The following ZC2HC1C variants were observed in gnomAD, a reference collection of about 807,000 sequenced individuals.
The protein encoded by ZC2HC1C is zinc finger C2HC-type containing 1C.
A neutral mutation model predicts 39.2 loss-of-function variants in ZC2HC1C; 25 were observed. That is an observed-to-expected ratio of 0.64 (90% CI 0.47 to 0.89). The LOEUF (loss-of-function observed/expected upper bound fraction) is 0.89, where lower values mean the gene tolerates loss of function less well. Ranked by LOEUF, ZC2HC1C falls within the 40% of genes least tolerant of loss-of-function variation. ZC2HC1C has a pLI of 0.00. For missense variants in ZC2HC1C, 519 were observed against 548.6 expected, an observed-to-expected ratio of 0.95 and a Z score of 0.54; for synonymous variants, 209 against 214.4, an observed-to-expected ratio of 0.97 and a Z score of 0.22.
At chr14:75,076,740 C>T (rs1893689181) in intron 2 of ZC2HC1C, among the ~76,000 whole-genome samples, 1 of 140,104 alleles carries the variant, frequency 7.1e-6, no homozygotes, top group Admixed American at 7.8e-5. Context: ...TTTCTTCTGC[C>T]ACCTGCCTTG....
In ZC2HC1C at chr14:75,077,884, A is replaced by T; in HGVS notation, c.*320A>T. 3.2e-6 allele frequency: 1 copy of T among 309,632 alleles called. No individual in the cohort carries two copies. Among genetic ancestry groups the T allele is most frequent in the Non-Finnish European group, 6.1e-6 (1 of 165,142 alleles). The allele number at this position is 309,632 out of a possible 1,614,324, so 19.2% of individuals were successfully genotyped here. Reference sequence around the variant, plus strand: ...GAGTAGAATTTGATGCAAAGCAGAAAGAAATCAAACAGCTCCCAGATCTGC... The same window carrying T: ...GAGTAGAATTTGATGCAAAGCAGAATGAAATCAAACAGCTCCCAGATCTGC... On this transcript the variant is annotated 3_prime_UTR_variant, in exon 3 of 3. Transcript: ENST00000524913.
rs764655522 is a variant in ZC2HC1C at position 75,071,839 on chromosome 14, C to G, written c.1266C>G (p.Asp422Glu). ...RMRGSKRKVF[D>E]SSRARAKGTE... ...GGGGTTCCAAGAGGAAAGTGTTTGA[C>G]TCCTCCAGGGCCCGGGCTAAGGGCA... Residue 422 changes from aspartate to glutamate, a missense_variant, in exon 2 of 3, where the codon GAC becomes GAG. By Grantham distance (45) the Asp-to-Glu change is conservative. Coordinates refer to ENST00000524913, the MANE Select transcript of ZC2HC1C (RefSeq NM_024643.4). 2 of 1,614,024 alleles carry G rather than the reference C, an allele frequency of 1.2e-6. No individual in the cohort carries two copies. Among genetic ancestry groups the G allele is most frequent in the Non-Finnish European group, 1.7e-6 (2 of 1,180,010 alleles).
rs1893766862 is a variant in ZC2HC1C, at chr14:75,078,139, T to G, written c.*575T>G. ...TTAAGTGCCTGCATCTGGTTCTGCC[T>G]TCTTGTCACTGCATGTATGTTCAGA... On this transcript the variant is annotated 3_prime_UTR_variant, in exon 3 of 3. Coordinates refer to ENST00000524913, the MANE Select transcript of ZC2HC1C (RefSeq NM_024643.4). 6.5e-6 allele frequency: 1 copy of G among 153,042 alleles called. No homozygotes were observed. Among genetic ancestry groups the G allele is most frequent in the Non-Finnish European group, 1.5e-5 (1 of 68,690 alleles). The allele number at this position is 153,042 out of a possible 1,614,324, so 9.5% of individuals were successfully genotyped here.
Position 75,071,408 on chromosome 14 carries a change from A to T in ZC2HC1C, c.835A>T (p.Asn279Tyr). Residue 279 changes from asparagine (N) to tyrosine (Y), a missense_variant, in exon 2 of 3, where the codon AAC becomes TAC. By Grantham distance (143) the Asn-to-Tyr change is moderately radical. Coordinates refer to ENST00000524913, the MANE Select transcript of ZC2HC1C (RefSeq NM_024643.4). Reference sequence around the variant, plus strand: ...GAGCAGAGTTAAAGGTAATAAAAGCAACACCATGTACAAACCTATCTTCTC... The same window carrying T: ...GAGCAGAGTTAAAGGTAATAAAAGCTACACCATGTACAAACCTATCTTCTC... ...PRSRVKGNKSNTMYKPIFSPE... is the reference protein window; with the variant it reads ...PRSRVKGNKSYTMYKPIFSPE... 6.2e-7 allele frequency: 1 copy of T among 1,614,212 alleles called. No individual in the cohort carries two copies. Among genetic ancestry groups the T allele is most frequent in the Non-Finnish European group, 8.5e-7 (1 of 1,180,040 alleles).
intron 2 of ZC2HC1C, among the ~76,000 whole-genome samples, chr14:75,075,647 A>C (rs1008373981): frequency 2.0e-5 from 3 of 152,122 alleles, no homozygotes; most frequent in Non-Finnish European, 4.4e-5. Context: ...GGGATTCTCT[A>C]TTTATTTTGA....
Position 75,071,017 on chromosome 14 carries a change from G to A in ZC2HC1C, c.444G>A (p.Lys148=). ...AFPLKPMVHR[K]SCSTGEAGTD... Reference sequence around the variant, plus strand: ...CATTGAAACCCATGGTCCACAGGAAGTCGTGCAGTACAGGTGAGGCTGGCA... The same window carrying A: ...CATTGAAACCCATGGTCCACAGGAAATCGTGCAGTACAGGTGAGGCTGGCA... Residue 148 remains lysine (K), a synonymous_variant, in exon 2 of 3, where the codon AAG becomes AAA. Coordinates refer to ENST00000524913, the MANE Select transcript of ZC2HC1C (RefSeq NM_024643.4). 1 of 1,614,196 alleles carries A rather than the reference G, an allele frequency of 6.2e-7. No individual in the cohort carries two copies. Among genetic ancestry groups the A allele is most frequent in the Non-Finnish European group, 8.5e-7 (1 of 1,180,034 alleles).
rs76638980 is a variant in ZC2HC1C, at chr14:75,079,454, A to G, written c.*1890A>G. The G allele has an allele frequency of 3.3e-5, 5 of 152,216 alleles. No homozygotes were observed. The highest frequency in any genetic ancestry group is 1.2e-4 in the African/African-American group (5 of 41,446). 9.4% of individuals were successfully genotyped at this position (152,216 alleles called of 1,614,324 possible). A position where few individuals can be genotyped will look rare whatever the true frequency, so the allele number is the denominator to read the frequency against. On this transcript the variant is annotated 3_prime_UTR_variant, in exon 3 of 3. Transcript: ENST00000524913. The stretch of plus-strand genomic sequence containing the variant: ...GAAACCTCACACAGAGATAATGGAT[A>G]TTTAACCTAATAGGTACATTCCCTA...
At chr14:75,075,645 CTATT>C (rs1893634000) in intron 2 of ZC2HC1C, among the ~76,000 whole-genome samples, 1 of 152,132 alleles carries the variant, frequency 6.6e-6, no homozygotes, top group African/African-American at 2.4e-5. Flanking sequence ...ACGGGATTCT[CTATT>C]TATTTTGAAA....
intron 2 of ZC2HC1C, among the ~76,000 whole-genome samples, chr14:75,075,443 G>A (rs1893624064): frequency 6.6e-6 from 1 of 152,194 alleles, no homozygotes; most frequent in Non-Finnish European, 1.5e-5. Context: ...GTCTTGGAAT[G>A]AATGACACTA....
At chr14:75,073,464 G>A (rs1321420656) in intron 2 of ZC2HC1C, 2 of 631,802 alleles carry the variant, frequency 3.2e-6, no homozygotes, top group Non-Finnish European at 5.0e-6. Context: ...CAGCTTTATG[G>A]CAACTAGTTT....
Position 75,077,571 on chromosome 14 carries a change from G to A in ZC2HC1C, c.*7G>A. The A allele has an allele frequency of 6.2e-7, 1 of 1,614,168 alleles. No individual in the cohort carries two copies. Among genetic ancestry groups the A allele is most frequent in the Non-Finnish European group, 8.5e-7 (1 of 1,180,032 alleles). ...GAAGAGCAACTGGAGATAGAAGCATGAATCTTTTATCCATACGTTCCGCCA... is the reference window on the plus strand; with the variant it reads ...GAAGAGCAACTGGAGATAGAAGCATAAATCTTTTATCCATACGTTCCGCCA... On this transcript the variant is annotated 3_prime_UTR_variant, in exon 3 of 3. Coordinates refer to ENST00000524913, the MANE Select transcript of ZC2HC1C (RefSeq NM_024643.4).
rs538880433 is a variant in ZC2HC1C, at chr14:75,074,728, C to A, written c.1339-2804C>A. Among the ~76,000 whole-genome samples the A allele has an allele frequency of 9.9e-5, 15 of 152,224 alleles. No homozygotes were observed. The South Asian group carries it at 2.9e-3, about 29-fold the overall frequency. On this transcript the variant is annotated intron_variant, in intron 2 of 2. Coordinates refer to ENST00000524913, the MANE Select transcript of ZC2HC1C (RefSeq NM_024643.4). ...CTGGGCTTACAGGCGAGTGCCACCA[C>A]GCCCGGCTAATTTTTGTATTTTTAG... is the stretch of plus-strand genomic sequence containing the variant.
In ZC2HC1C at chr14:75,077,438, AG is replaced by A. The variant is rs1340119692; in HGVS notation, c.1339-93del. 4 of 1,513,962 alleles carry A rather than the reference AG, an allele frequency of 2.6e-6. No homozygotes were observed. In the African/African-American group the frequency reaches 5.5e-5, roughly 21 times the overall value. The allele number at this position is 1,513,962 out of a possible 1,614,324, so 93.8% of individuals were successfully genotyped here. ...CCTGTTCTCTTTGACCTTGCAGATT[AG>A]TACCCTTTTCATTTTCTTACTGTTA... On this transcript the variant is annotated intron_variant, in intron 2 of 2. Coordinates refer to ENST00000524913, the MANE Select transcript of ZC2HC1C (RefSeq NM_024643.4).
rs1183308633 is a variant in ZC2HC1C at position 75,071,357 on chromosome 14, G to C, written c.784G>C (p.Glu262Gln). Residue 262 changes from glutamate to glutamine, a missense_variant, in exon 2 of 3, where the codon GAG becomes CAG. Glu to Gln is a conservative substitution (Grantham distance 29). Transcript: ENST00000524913. ...KEQAKENENG[E>Q]LQKIILPRSR... ...ACAGGCCAAGGAAAATGAAAACGGA[G>C]AGCTACAGAAAATTATACTCCCCAG... is the stretch of plus-strand genomic sequence containing the variant. 1 of 1,613,818 alleles carries C rather than the reference G, an allele frequency of 6.2e-7. No individual in the cohort carries two copies. The highest frequency in any genetic ancestry group is 1.3e-5 in the African/African-American group (1 of 74,826).
rs1213036633 is a variant in ZC2HC1C at position 75,079,415 on chromosome 14, G to A, written c.*1851G>A. ...AGGTATCACATAATAAAGCTTTATG[G>A]TTAGCCCCTTAAGGAAACCTCACAC... is the stretch of plus-strand genomic sequence containing the variant. On this transcript the variant is annotated 3_prime_UTR_variant, in exon 3 of 3. Transcript: ENST00000524913. 1 of 152,082 alleles carries A rather than the reference G, an allele frequency of 6.6e-6. No individual in the cohort carries two copies. The highest frequency in any genetic ancestry group is 1.9e-4 in the East Asian group (1 of 5,198). 9.4% of individuals were successfully genotyped at this position (152,082 alleles called of 1,614,324 possible).
chr14:75,076,524 T>G (rs1324608397), intron 2 of ZC2HC1C, among the ~76,000 whole-genome samples: 1 of 152,214 alleles, frequency 6.6e-6, no homozygotes, highest in Non-Finnish European at 1.5e-5. Context: ...CACGTTGGCC[T>G]CCCAAAGTGC....
rs1893260177 is a variant in ZC2HC1C, at chr14:75,069,720, C to T, written c.-49C>T. 1 of 159,012 alleles carries T rather than the reference C, an allele frequency of 6.3e-6. No individual in the cohort carries two copies. Among genetic ancestry groups the T allele is most frequent in the Non-Finnish European group, 1.4e-5 (1 of 72,794 alleles). 9.9% of individuals were successfully genotyped at this position (159,012 alleles called of 1,614,324 possible). On this transcript the variant is annotated 5_prime_UTR_variant, in exon 1 of 3. Coordinates refer to ENST00000524913, the MANE Select transcript of ZC2HC1C (RefSeq NM_024643.4). ...GGGAAACTAGGCCCTGGGGTTTTCC[C>T]TGAGCAGGAGCGGTGCCCGAGGGCC...
Position 75,070,775 on chromosome 14 carries a change from G to A in ZC2HC1C, c.202G>A (p.Val68Ile). ...LSNKELILDKVYTHPKWNTQT... is the reference protein window; with the variant it reads ...LSNKELILDKIYTHPKWNTQT... ...CAACAAAGAGTTGATTCTGGATAAA[G>A]TCTATACTCACCCCAAATGGAACAC... Residue 68 changes from valine (V) to isoleucine (I), a missense_variant, in exon 2 of 3, where the codon GTC (valine) becomes ATC (isoleucine). By Grantham distance (29) the Val-to-Ile change is conservative (BLOSUM62 3). Transcript: ENST00000524913. 1.2e-6 allele frequency: 2 copies of A among 1,614,204 alleles called. No individual in the cohort carries two copies. The highest frequency in any genetic ancestry group is 1.1e-5 in the South Asian group (1 of 91,084).
In ZC2HC1C at chr14:75,070,597, G is replaced by A. The variant is rs751125534; in HGVS notation, c.24G>A (p.Ala8=). The change falls in exon 2 of 3, where the codon GCG becomes GCA. Residue 8 remains alanine, a synonymous_variant. Coordinates refer to ENST00000524913, the MANE Select transcript of ZC2HC1C (RefSeq NM_024643.4). MAGLQRL[A]SHLPVGVMLP... is the part of the protein sequence containing the mutation. ...GAATGGCTGGTCTCCAGCGGTTGGC[G>A]TCACATCTGCCTGTGGGCGTTATGC... 5.6e-6 allele frequency: 9 copies of A among 1,612,476 alleles called. No homozygotes were observed. In the East Asian group the frequency reaches 6.7e-5, roughly 12 times the overall value.
Sources: gnomAD v4.1 joint callset for allele counts (sites outside exome capture counted in the v4.1 genomes callset) on GRCh38, gnomAD v4.1.1 for gene constraint, MANE v1.5 for transcripts, NCBI Gene and HGNC (gene_info 2026-07-23, HGNC 2026-07-21) for gene names.